Variants in NKAIN3 observed in about 807,000 individuals in gnomAD.
NKAIN3 encodes the protein sodium/potassium transporting ATPase interacting 3.
Under a neutral mutation model 30.2 loss-of-function variants are expected in NKAIN3, and 25 were observed. The observed-to-expected ratio is 0.83, with a 90% CI of 0.60 to 1.16. The LOEUF (loss-of-function observed/expected upper bound fraction) is 1.16, where lower values mean the gene tolerates loss of function less well. Among genes scored for constraint, NKAIN3 ranks in the 50% most tolerant of loss-of-function variants. The pLI is 0.00. For synonymous variants in NKAIN3, 91 were observed against 89.6 expected, an observed-to-expected ratio of 1.02 and a Z score of -0.09; for missense variants, 225 against 254.1, an observed-to-expected ratio of 0.89 and a Z score of 0.78.
intron 1 of NKAIN3, among the ~76,000 whole-genome samples, chr8:62,380,306 C>T (rs1817233397): frequency 6.6e-6 from 1 of 152,200 alleles, no homozygotes; most frequent in Non-Finnish European, 1.5e-5. Context: ...CAGACAACCA[C>T]TTGGACCTCT....
At chr8:62,701,197 T>G (rs548006563) in intron 3 of NKAIN3, among the ~76,000 whole-genome samples, 1 of 152,304 alleles carries the variant, frequency 6.6e-6, no homozygotes, top group Non-Finnish European at 1.5e-5. Flanking sequence ...GCCACTATAA[T>G]GCAATAGATG....
At chr8:62,428,790 TATTA>T (rs1299361702) in intron 1 of NKAIN3, among the ~76,000 whole-genome samples, 3 of 151,998 alleles carry the variant, frequency 2.0e-5, no homozygotes, top group South Asian at 2.1e-4. Flanking sequence ...TCTCTTCACT[TATTA>T]ATTGTTTCCT....
At chr8:62,573,473 G>A (rs936540530) in intron 1 of NKAIN3, among the ~76,000 whole-genome samples, 6 of 151,988 alleles carry the variant, frequency 3.9e-5, no homozygotes, top group Non-Finnish European at 7.4e-5. Flanking sequence ...CTTTCGTTAT[G>A]TATATGATTT....
intron 1 of NKAIN3, among the ~76,000 whole-genome samples, chr8:62,502,309 C>T (rs1021541382): frequency 6.6e-6 from 1 of 152,250 alleles, no homozygotes; most frequent in Non-Finnish European, 1.5e-5. Flanking sequence ...CACATCTTCA[C>T]TACTCCTTAC....
intron 1 of NKAIN3, among the ~76,000 whole-genome samples, chr8:62,471,586 A>G (rs1188186300): frequency 6.6e-6 from 1 of 152,220 alleles, no homozygotes; most frequent in Admixed American, 6.5e-5. Flanking sequence ...TTAGAAAACC[A>G]GCTGTGAAAA....
chr8:62,695,312 T>C (rs1814118708), intron 3 of NKAIN3, among the ~76,000 whole-genome samples: 1 of 152,174 alleles, frequency 6.6e-6, no homozygotes, highest in African/African-American at 2.4e-5. Context: ...TTAGTGACAT[T>C]CAATGAACGA....
At chr8:62,561,662 C>CA in intron 1 of NKAIN3, among the ~76,000 whole-genome samples, 1 of 152,082 alleles carries the variant, frequency 6.6e-6, no homozygotes, top group South Asian at 2.1e-4. Context: ...AAAATTAGGG[C>CA]AAAAATACTC....
At chr8:62,634,309 T>G (rs1462780327) in intron 3 of NKAIN3, among the ~76,000 whole-genome samples, 1 of 152,144 alleles carries the variant, frequency 6.6e-6, no homozygotes, top group Admixed American at 6.6e-5. Flanking sequence ...CACCTGCTAT[T>G]GGGTTACCAG....
intron 1 of NKAIN3, among the ~76,000 whole-genome samples, chr8:62,465,034 CAG>C (rs1054709332): frequency 6.6e-6 from 1 of 151,528 alleles, no homozygotes; most frequent in Non-Finnish European, 1.5e-5. Flanking sequence ...ATTTTAAAGA[CAG>C]ATTAAATATC....
At position 62,306,181 on chromosome 8, in the gene NKAIN3, C is replaced by G. The variant is rs1031800594; in HGVS notation, c.54+57054C>G. Among the ~76,000 whole-genome samples, 3 of 150,286 alleles carry G rather than the reference C, an allele frequency of 2.0e-5. No individual in the cohort carries two copies. The South Asian group carries it at 6.2e-4, about 31-fold the overall frequency. ...TACTTTATCTTAGTATTTACTTCCT[C>G]TTTAAGTGCAGACTTTTGTTTTCAC... On this transcript the variant is annotated intron_variant, in intron 1 of 6. Transcript: ENST00000623646.
chr8:62,863,983 A>G (rs1820339817), intron 4 of NKAIN3: 2 of 776,594 alleles, frequency 2.6e-6, no homozygotes, highest in African/African-American at 1.7e-5. Context: ...AGAAAGAACT[A>G]AAGGAGCTTT....
chr8:62,482,372 G>C (rs924207077), intron 1 of NKAIN3: 10 of 152,186 alleles, frequency 6.6e-5, no homozygotes, highest in African/African-American at 2.4e-4. Flanking sequence ...AAGAATAAAG[G>C]GGACAGCAAG....
intron 4 of NKAIN3, among the ~76,000 whole-genome samples, chr8:62,848,801 G>A (rs1819770349): frequency 6.6e-6 from 1 of 152,080 alleles, no homozygotes; most frequent in Non-Finnish European, 1.5e-5. Flanking sequence ...CTGTGGGTTT[G>A]TCATGTGTGG....
chr8:62,349,315 C>T (rs1010206937), intron 1 of NKAIN3, among the ~76,000 whole-genome samples: 4 of 152,080 alleles, frequency 2.6e-5, no homozygotes, highest in Non-Finnish European at 5.9e-5. Context: ...TTTAGAGGGA[C>T]TGGGAGTCTG....
chr8:62,476,534 G>C (rs59799730), intron 1 of NKAIN3, among the ~76,000 whole-genome samples: 13,217 of 151,824 alleles, frequency 0.087, 717 homozygotes, highest in African/African-American at 0.14. Flanking sequence ...TGGGCTCACT[G>C]TAACCTCCAC....
chr8:62,302,093 C>A (rs1814068444), intron 1 of NKAIN3, among the ~76,000 whole-genome samples: 2 of 152,050 alleles, frequency 1.3e-5, no homozygotes, highest in African/African-American at 4.8e-5. Flanking sequence ...AAAACATGTT[C>A]ATCTAGAACT....
intron 4 of NKAIN3, among the ~76,000 whole-genome samples, chr8:62,763,821 C>T (rs1324056291): frequency 6.6e-6 from 1 of 152,232 alleles, no homozygotes; most frequent in Non-Finnish European, 1.5e-5. Flanking sequence ...AGAGGGGCTT[C>T]TGGCCGATTT....
At chr8:62,473,746 C>T (rs1806428965) in intron 1 of NKAIN3, among the ~76,000 whole-genome samples, 1 of 150,686 alleles carries the variant, frequency 6.6e-6, no homozygotes, top group Non-Finnish European at 1.5e-5. Context: ...CTCAGTCTTT[C>T]CTTAATAGCC....
At chr8:62,502,965 C>G (rs1405388478) in intron 1 of NKAIN3, among the ~76,000 whole-genome samples, 1 of 152,130 alleles carries the variant, frequency 6.6e-6, no homozygotes, top group African/African-American at 2.4e-5. Flanking sequence ...GGTCCCCAAC[C>G]CCTGGGCCAC....
Sources: gnomAD v4.1 joint callset for allele counts (sites outside exome capture counted in the v4.1 genomes callset) on GRCh38, gnomAD v4.1.1 for gene constraint, MANE v1.5 for transcripts, NCBI Gene and HGNC (gene_info 2026-07-23, HGNC 2026-07-21) for gene names.